The following ATP2B2 variants were observed in gnomAD, a reference collection of about 807,000 sequenced individuals.
The protein encoded by ATP2B2 is plasma membrane calcium-transporting ATPase 2.
In ATP2B2, 15 loss-of-function variants were observed where a neutral mutation model predicts 120.0. That is an observed-to-expected ratio of 0.12 (90% confidence interval 0.08 to 0.19). ATP2B2 has a LOEUF of 0.19. Among genes scored for constraint, ATP2B2 ranks in the 10% least tolerant of loss-of-function variants. The pLI, the probability that ATP2B2 is intolerant of heterozygous loss-of-function variation, is 1.00. For missense variants in ATP2B2, 1,045 were observed against 1,719.8 expected, an observed-to-expected ratio of 0.61 and a Z score of 6.94; for synonymous variants, 694 against 700.3, an observed-to-expected ratio of 0.99 and a Z score of 0.14.
intron 6 of ATP2B2, 38 bp downstream of exon 6, chr3:10,388,239 A>G (rs772950357): frequency 1.2e-6 from 2 of 1,613,584 alleles, no homozygotes; most frequent in East Asian, 2.2e-5. Flanking sequence ...TGTGGCCTTA[A>G]GAGCTCCTCT....
intron 2 of ATP2B2, among the ~76,000 whole-genome samples, chr3:10,548,869 T>C (rs2067606974): frequency 6.6e-6 from 1 of 152,224 alleles, no homozygotes; most frequent in South Asian, 2.1e-4. Context: ...AAAGCTCATA[T>C]TTGAACCCAG....
At chr3:10,413,356 A>G (rs1204189205) in intron 2 of ATP2B2, among the ~76,000 whole-genome samples, 2 of 152,222 alleles carry the variant, frequency 1.3e-5, no homozygotes, top group Non-Finnish European at 2.9e-5. Context: ...GGGGGAGCCC[A>G]GGGATGGCTC....
chr3:10,665,796 G>C (rs1376801194), intron 1 of ATP2B2, among the ~76,000 whole-genome samples: 1 of 152,168 alleles, frequency 6.6e-6, no homozygotes, highest in Non-Finnish European at 1.5e-5. Flanking sequence ...CCCGCCTCCA[G>C]CAGGGGATAA....
intron 22 of ATP2B2, among the ~76,000 whole-genome samples, chr3:10,334,481 T>TAAGAAAGGAG (rs1383559121): frequency 1.3e-5 from 2 of 152,170 alleles, no homozygotes; most frequent in South Asian, 2.1e-4. Context: ...GTGAGAGCTC[T>TAAGAAAGGAG]CTGGTCTAAA....
At chr3:10,598,799 G>C (rs2068831687) in intron 2 of ATP2B2, among the ~76,000 whole-genome samples, 1 of 152,234 alleles carries the variant, frequency 6.6e-6, no homozygotes, top group Non-Finnish European at 1.5e-5. Context: ...GCATTTCCAA[G>C]GTAGCTTCTC....
chr3:10,420,069 A>G (rs1348233172), intron 2 of ATP2B2, among the ~76,000 whole-genome samples: 1 of 152,238 alleles, frequency 6.6e-6, no homozygotes, highest in Non-Finnish European at 1.5e-5. Context: ...AGAGGCTGTC[A>G]GTGCATGCAT....
At chr3:10,404,867 C>T (rs2062357600) in intron 3 of ATP2B2, among the ~76,000 whole-genome samples, 1 of 152,126 alleles carries the variant, frequency 6.6e-6, no homozygotes, top group Admixed American at 6.5e-5. Context: ...ATTACAGAGC[C>T]CCATGCTGCA....
chr3:10,524,806 G>GTTT (rs1358889003), intron 3 of ATP2B2, among the ~76,000 whole-genome samples: 2 of 152,128 alleles, frequency 1.3e-5, no homozygotes, highest in African/African-American at 4.8e-5. Flanking sequence ...GTTTGACCCT[G>GTTT]GCCATCTGTT....
chr3:10,411,789 G>A (rs1001847145), intron 2 of ATP2B2, among the ~76,000 whole-genome samples: 1 of 152,220 alleles, frequency 6.6e-6, no homozygotes, highest in Non-Finnish European at 1.5e-5. Context: ...CGTGCTCGGA[G>A]CGTGCCTGGT....
Position 10,699,265 on chromosome 3 carries a change from A to G in ATP2B2, c.-460+8650T>C, listed in dbSNP as rs571491201. ...ACATGTGTCCAGGGGTCCACATACA[A>G]GAATGTTCATCACAGTGTTGTCTAT... On this transcript the variant is annotated intron_variant, in intron 1 of 21. Transcript: ENST00000646379. 4.6e-5 allele frequency among the ~76,000 whole-genome samples: 7 copies of G among 152,360 alleles called. No individual in the cohort carries two copies. The East Asian group carries it at 1.3e-3, about 29-fold the overall frequency.
At position 10,539,870 on chromosome 3, in the gene ATP2B2, G is replaced by T. The variant is rs188250678; in HGVS notation, c.-414-5737C>A. On this transcript the variant is annotated intron_variant, in intron 2 of 21. Transcript: ENST00000646379. ...AACGAAAGCCAAAATAGACAAATGG[G>T]ATCTAATTAAACTAAAGAGCTTCTG... 2.4e-3 allele frequency among the ~76,000 whole-genome samples: 372 copies of T among 152,240 alleles called. 1 individual carries two copies. Among genetic ancestry groups the T allele is most frequent in the African/African-American group, 8.6e-3 (359 of 41,528 alleles).
intron 1 of ATP2B2, among the ~76,000 whole-genome samples, chr3:10,662,046 T>C (rs1257056791): frequency 3.3e-5 from 5 of 152,182 alleles, no homozygotes; most frequent in Non-Finnish European, 5.9e-5. Flanking sequence ...TGGCTAGCCA[T>C]ATGTAGAAAG....
chr3:10,410,838 T>C lies in ATP2B2; in HGVS notation c.200-23A>G, dbSNP rs200767465. 610 of 1,611,396 alleles carry C rather than the reference T, an allele frequency of 3.8e-4. 5 individuals carry two copies. In the African/African-American group the frequency reaches 6.2e-3, roughly 16 times the overall value. Reference sequence around the variant, plus strand: ...AACCTGTGGACAGAGAACAGAGAGGTTGGCTGGGGGCCTGGGAGAGATGCA... The same window carrying C: ...AACCTGTGGACAGAGAACAGAGAGGCTGGCTGGGGGCCTGGGAGAGATGCA... On this transcript the variant is annotated intron_variant, in intron 2 of 22. Transcript: ENST00000360273.
At chr3:10,564,266 T>A (rs540458267) in intron 2 of ATP2B2, among the ~76,000 whole-genome samples, 1 of 152,338 alleles carries the variant, frequency 6.6e-6, no homozygotes, top group Admixed American at 6.5e-5. Context: ...CTGTCCTATT[T>A]GGCTTCAGCT....
Position 10,342,100 on chromosome 3 carries a change from C to T in ATP2B2, c.2917+652G>A, listed in dbSNP as rs1039100860. 2.0e-5 allele frequency among the ~76,000 whole-genome samples: 3 copies of T among 152,174 alleles called. No homozygotes were observed. Among genetic ancestry groups the T allele is most frequent in the African/African-American group, 7.2e-5 (3 of 41,442 alleles). Reference sequence around the variant, plus strand: ...GGATAGGCTTTGTTGGGATTGCCTCCGAAGCATCTGTGGAAACCAGGCCAG... The same window carrying T: ...GGATAGGCTTTGTTGGGATTGCCTCTGAAGCATCTGTGGAAACCAGGCCAG... On this transcript the variant is annotated intron_variant, in intron 19 of 22. Transcript: ENST00000360273. The surrounding 1 kb of genome is among the most constrained non-coding windows in gnomAD (Gnocchi z 4.4).
intron 2 of ATP2B2, among the ~76,000 whole-genome samples, chr3:10,594,711 T>TATA (rs147616326): frequency 0.043 from 6,434 of 149,596 alleles, 316 homozygotes; most frequent in East Asian, 0.13. Flanking sequence ...GAACTTAAAG[T>TATA]ATAATAATAA....
At chr3:10,673,547 C>T (rs1272439199) in intron 1 of ATP2B2, among the ~76,000 whole-genome samples, 5 of 151,652 alleles carry the variant, frequency 3.3e-5, no homozygotes, top group Admixed American at 3.3e-4. Context: ...CACCTGTAAT[C>T]CCAGCACTTT....
In ATP2B2 at chr3:10,329,847, A is replaced by G. The variant is rs186501334; in HGVS notation, c.3421-722T>C. On this transcript the variant is annotated intron_variant, in intron 22 of 22. Transcript: ENST00000360273. The surrounding 1 kb of genome is among the most constrained non-coding windows in gnomAD (Gnocchi z 5.9). ...ATGCCACGGGGAGGCCGGGAGCCAC[A>G]TGGCACACACAGACAGACACACGGC... Among the ~76,000 whole-genome samples, 7 of 152,308 alleles carry G rather than the reference A, an allele frequency of 4.6e-5. No homozygotes were observed. In the East Asian group the frequency reaches 1.2e-3, roughly 25 times the overall value.
At chr3:10,467,398 T>G (rs2064793417) in intron 1 of ATP2B2, among the ~76,000 whole-genome samples, 1 of 152,110 alleles carries the variant, frequency 6.6e-6, no homozygotes, top group Non-Finnish European at 1.5e-5. Flanking sequence ...CCTGAGTAAA[T>G]CCTATGCTAA....
Sources: gnomAD v4.1 joint callset for allele counts (sites outside exome capture counted in the v4.1 genomes callset) on GRCh38, gnomAD v4.1.1 for gene constraint, Gnocchi (gnomAD v3.1) non-coding constraint, MANE v1.5 for transcripts, NCBI Gene and HGNC (gene_info 2026-07-23, HGNC 2026-07-21) for gene names.